Variants in PPARGC1A observed in about 807,000 individuals in gnomAD.
PPARGC1A encodes PPARG coactivator 1 alpha.
In PPARGC1A, 25 loss-of-function variants were observed where a neutral mutation model predicts 88.7. That is an observed-to-expected ratio of 0.28 (90% confidence interval 0.21 to 0.39). The LOEUF is 0.39. Ranked by LOEUF, PPARGC1A falls within the 10% of genes least tolerant of loss-of-function variation. The pLI is 1.00. For synonymous variants in PPARGC1A, 363 were observed against 355.6 expected, an observed-to-expected ratio of 1.02 and a Z score of -0.24; for missense variants, 880 against 968.7, an observed-to-expected ratio of 0.91 and a Z score of 1.22.
At chr4:23,931,067 T>C in the PPARGC1A span, among the ~76,000 whole-genome samples, 16 of 141,660 alleles carry the variant, frequency 1.1e-4, no homozygotes, top group Non-Finnish European at 2.5e-4. Flanking sequence ...GAGGGGCAGC[T>C]GGGGATCAGT....
At position 23,794,220 on chromosome 4, in the gene PPARGC1A, A is replaced by G. The variant is rs1209659139; in HGVS notation, c.*1602T>C. The stretch of plus-strand genomic sequence containing the variant: ...ACTTCTAGTTTCAAAACTACTGTTG[A>G]TAGAGAAAATAAAAACATTTCTTAA... On this transcript the variant is annotated 3_prime_UTR_variant, in exon 13 of 13. Transcript: ENST00000264867. 19 of 152,620 alleles carry G rather than the reference A, an allele frequency of 1.2e-4. No homozygotes were observed. 9.5% of individuals were successfully genotyped at this position (152,620 alleles called of 1,614,324 possible).
chr4:24,237,196 A>G, the PPARGC1A span, among the ~76,000 whole-genome samples: 13 of 152,064 alleles, frequency 8.5e-5, no homozygotes, highest in Non-Finnish European at 1.8e-4. Flanking sequence ...TCTCAGAATT[A>G]TCTAACACTT....
At chr4:24,024,988 C>T in the PPARGC1A span, among the ~76,000 whole-genome samples, 3 of 152,154 alleles carry the variant, frequency 2.0e-5, no homozygotes, top group African/African-American at 7.2e-5. Context: ...GAAGTAACGA[C>T]ATGTTACTTA....
chr4:24,266,733 T>C, the PPARGC1A span, among the ~76,000 whole-genome samples: 2 of 152,114 alleles, frequency 1.3e-5, no homozygotes, highest in East Asian at 1.9e-4. Flanking sequence ...GCAAAGATCC[T>C]GCAGGGAAGG....
At chr4:24,108,030 T>C in the PPARGC1A span, among the ~76,000 whole-genome samples, 1 of 152,180 alleles carries the variant, frequency 6.6e-6, no homozygotes, top group Non-Finnish European at 1.5e-5. Context: ...ACTTCAAATT[T>C]TTCTATGGAG....
chr4:23,954,468 C>G, the PPARGC1A span, among the ~76,000 whole-genome samples: 459 of 152,080 alleles, frequency 3.0e-3, 3 homozygotes, highest in Non-Finnish European at 4.6e-3. Context: ...CACACTGTTA[C>G]AACTCAAGGT....
the PPARGC1A span, among the ~76,000 whole-genome samples, chr4:24,011,576 T>C: frequency 6.6e-6 from 1 of 152,194 alleles, no homozygotes; most frequent in Admixed American, 6.6e-5. Flanking sequence ...CACAGACTGC[T>C]GTCCTGTGTT....
At chr4:23,894,635 G>A (rs954318068), upstream of PPARGC1A, among the ~76,000 whole-genome samples, 1 of 152,090 alleles carries the variant, frequency 6.6e-6, no homozygotes, top group African/African-American at 2.4e-5. Flanking sequence ...ACCTTCTGCA[G>A]ACCGGCTCTA....
At chr4:24,259,870 C>T in the PPARGC1A span, among the ~76,000 whole-genome samples, 1 of 152,128 alleles carries the variant, frequency 6.6e-6, no homozygotes, top group Non-Finnish European at 1.5e-5. Flanking sequence ...AAAATTAAAA[C>T]TCCACAAAGA....
At chr4:24,155,400 A>G in the PPARGC1A span, among the ~76,000 whole-genome samples, 1 of 151,796 alleles carries the variant, frequency 6.6e-6, no homozygotes, top group African/African-American at 2.4e-5. Flanking sequence ...AGGTGGGTGA[A>G]CAGCTTGAGC....
the PPARGC1A span, among the ~76,000 whole-genome samples, chr4:23,999,605 G>T: frequency 6.6e-6 from 1 of 152,170 alleles, no homozygotes; most frequent in Non-Finnish European, 1.5e-5. Context: ...AGGGATTTTG[G>T]AAACTTCTTA....
chr4:24,418,544 G>A, the PPARGC1A span, among the ~76,000 whole-genome samples: 3 of 151,690 alleles, frequency 2.0e-5, no homozygotes, highest in Admixed American at 1.3e-4. Flanking sequence ...ACAAGTGTTA[G>A]ACTCTAACAG....
At chr4:24,408,421 T>C in the PPARGC1A span, among the ~76,000 whole-genome samples, 1 of 152,144 alleles carries the variant, frequency 6.6e-6, no homozygotes, top group African/African-American at 2.4e-5. Flanking sequence ...TAATTGAATA[T>C]TGTGATCGCA....
chr4:24,400,468 A>T, the PPARGC1A span, among the ~76,000 whole-genome samples: 1 of 152,196 alleles, frequency 6.6e-6, no homozygotes, highest in Non-Finnish European at 1.5e-5. Flanking sequence ...CTTGCTCCTC[A>T]GCTTGCAGAA....
chr4:23,833,732 C>A (rs2148562601), intron 2 of PPARGC1A, among the ~76,000 whole-genome samples: 1 of 152,340 alleles, frequency 6.6e-6, no homozygotes, highest in East Asian at 1.9e-4. Context: ...CTAAGGACTT[C>A]TTTTGGATTC....
At chr4:24,048,085 T>C in the PPARGC1A span, among the ~76,000 whole-genome samples, 1 of 152,222 alleles carries the variant, frequency 6.6e-6, no homozygotes, top group Non-Finnish European at 1.5e-5. Flanking sequence ...CTTAGAAGTA[T>C]TAGCAATTTC....
At position 23,812,828 on chromosome 4, in the gene PPARGC1A, C is replaced by T. The variant is rs755907187; in HGVS notation, c.1938G>A (p.Lys646=). The T allele has an allele frequency of 6.2e-7, 1 of 1,614,054 alleles. No homozygotes were observed. Residue 646 remains lysine (K), a synonymous_variant, in exon 10 of 13, where the codon AAG becomes AAA. Transcript: ENST00000264867. The stretch of plus-strand genomic sequence containing the variant: ...CATACTCTCTGCGATATTCTTCCCT[C>T]TTCAGCCTCTCGTGCTGATATTCCT... ...SYEEYQHERL[K]REEYRREYEK... is the part of the protein sequence containing the mutation.
At chr4:24,387,770 A>G in the PPARGC1A span, among the ~76,000 whole-genome samples, 2,008 of 57,696 alleles carry the variant, frequency 0.035, 39 homozygotes, top group South Asian at 0.056. Flanking sequence ...GAGAGAGAGA[A>G]AGAAAGAAAG....
chr4:23,845,470 G>A (rs1438302260), intron 2 of PPARGC1A, among the ~76,000 whole-genome samples: 1 of 152,096 alleles, frequency 6.6e-6, no homozygotes, highest in African/African-American at 2.4e-5. Flanking sequence ...CAAATGATCT[G>A]ATTACTGTAA....
Sources: gnomAD v4.1 joint callset for allele counts (sites outside exome capture counted in the v4.1 genomes callset) on GRCh38, gnomAD v4.1.1 for gene constraint, MANE v1.5 for transcripts, NCBI Gene and HGNC (gene_info 2026-07-23, HGNC 2026-07-21) for gene names.